GYPC: variants seen among roughly 807,000 people sequenced by gnomAD.
GYPC encodes the protein glycophorin-C.
Under a neutral mutation model 12.6 loss-of-function variants are expected in GYPC, and 14 were observed. That is an observed-to-expected ratio of 1.11 (90% CI 0.74 to 1.74). The LOEUF (loss-of-function observed/expected upper bound fraction) is 1.74, where lower values mean the gene tolerates loss of function less well. Ranked by LOEUF, GYPC falls within the 40% of genes most tolerant of loss-of-function variation. The pLI, the probability that GYPC is intolerant of heterozygous loss-of-function variation, is 0.00. For synonymous variants in GYPC, 78 were observed against 62.1 expected, an observed-to-expected ratio of 1.26 and a Z score of -1.20; for missense variants, 225 against 172.1, an observed-to-expected ratio of 1.31 and a Z score of -1.72.
At position 126,696,215 on chromosome 2, in the gene GYPC, C is replaced by T. The variant is rs1249381336; in HGVS notation, c.*73C>T. 2 of 1,081,602 alleles carry T rather than the reference C, an allele frequency of 1.8e-6. No homozygotes were observed. The highest frequency in any genetic ancestry group is 1.6e-5 in the African/African-American group (1 of 64,216). 67.0% of individuals were successfully genotyped at this position (1,081,602 alleles called of 1,614,324 possible). ...GAAAAATACACCCCATCGCCCAGCA[C>T]CCCTGCTGATACCACCAGACAGAGA... On this transcript the variant is annotated 3_prime_UTR_variant, in exon 4 of 4. Coordinates refer to ENST00000259254, the MANE Select transcript of GYPC (RefSeq NM_002101.5).
chr2:126,684,123 C>T (rs758514140), intron 1 of GYPC, among the ~76,000 whole-genome samples: 42 of 152,176 alleles, frequency 2.8e-4, no homozygotes, highest in Middle Eastern at 3.2e-3. Flanking sequence ...TTGCACAGCA[C>T]CTTGGCAGCC....
In GYPC at chr2:126,656,225, G is replaced by C. The variant is rs545953277; in HGVS notation, c.-39G>C. 15 of 1,582,682 alleles carry C rather than the reference G, an allele frequency of 9.5e-6. No homozygotes were observed. The highest frequency in any genetic ancestry group is 1.2e-5 in the Non-Finnish European group (14 of 1,167,658). ...CCCCGGCCCGGCCTGGCCCGGCCTG[G>C]CCAGTCCCCGCGGTCTCTGCCCGGG... On this transcript the variant is annotated 5_prime_UTR_variant, in exon 1 of 4. Coordinates refer to ENST00000259254, the MANE Select transcript of GYPC (RefSeq NM_002101.5).
rs142452859 is a variant in GYPC at position 126,693,823 on chromosome 2, A to G, written c.107-41A>G. ...GCCAAGGTGCTGCTAGGCATGGAGAATCTTCCTCTCTGACCTCAGATTCTT... is the reference window on the plus strand; with the variant it reads ...GCCAAGGTGCTGCTAGGCATGGAGAGTCTTCCTCTCTGACCTCAGATTCTT... On this transcript the variant is annotated intron_variant, in intron 2 of 3. Transcript: ENST00000259254. The G allele has an allele frequency of 2.6e-4, 358 of 1,358,676 alleles. 4 individuals carry two copies. In the Middle Eastern group the frequency reaches 0.01, roughly 38 times the overall value. The allele number at this position is 1,358,676 out of a possible 1,614,324, so 84.2% of individuals were successfully genotyped here.
At chr2:126,660,213 C>T (rs895093563) in intron 1 of GYPC, among the ~76,000 whole-genome samples, 1 of 152,246 alleles carries the variant, frequency 6.6e-6, no homozygotes, top group Admixed American at 6.5e-5. Context: ...ACCCGCCTGC[C>T]TCCCCCAGCT....
chr2:126,688,934 C>T (rs893797), intron 1 of GYPC, among the ~76,000 whole-genome samples: 35 of 152,118 alleles, frequency 2.3e-4, no homozygotes, highest in African/African-American at 7.2e-4. Context: ...AATGGGAATA[C>T]GGGATTTCCT....
chr2:126,663,949 GGTCT>G (rs1378656482), intron 1 of GYPC, among the ~76,000 whole-genome samples: 1 of 119,564 alleles, frequency 8.4e-6, no homozygotes, highest in Non-Finnish European at 1.7e-5. Flanking sequence ...CTAAGGTTCT[GGTCT>G]CTCTCTCTCT....
In GYPC at chr2:126,694,140, C is replaced by T. The variant is rs192330670; in HGVS notation, c.190+193C>T. On this transcript the variant is annotated intron_variant, in intron 3 of 3. Transcript: ENST00000259254. ...TATATATATACATGCATACATCGTA[C>T]GTATCTATGTATGTATTTATTGGCC... Among the ~76,000 whole-genome samples, 105 of 152,138 alleles carry T rather than the reference C, an allele frequency of 6.9e-4. No individual in the cohort carries two copies. The East Asian group carries it at 0.01, about 15-fold the overall frequency.
intron 1 of GYPC, among the ~76,000 whole-genome samples, chr2:126,678,125 G>A (rs879337015): frequency 6.6e-5 from 10 of 152,278 alleles, no homozygotes; most frequent in Non-Finnish European, 1.3e-4. Context: ...AGGAGGCTGA[G>A]GCAGGAGAAT....
intron 1 of GYPC, among the ~76,000 whole-genome samples, chr2:126,666,060 C>T (rs1009740040): frequency 1.3e-5 from 2 of 152,188 alleles, no homozygotes; most frequent in Non-Finnish European, 1.5e-5. Flanking sequence ...TTGTTCCCCC[C>T]ACACCCGGAA....
intron 1 of GYPC, among the ~76,000 whole-genome samples, chr2:126,666,677 T>C (rs1268857134): frequency 6.7e-6 from 1 of 149,762 alleles, no homozygotes; most frequent in East Asian, 2.0e-4. Context: ...ATGCTGGCCT[T>C]CCATTCTCCT....
chr2:126,659,748 G>C (rs957670027), intron 1 of GYPC, among the ~76,000 whole-genome samples: 2 of 151,470 alleles, frequency 1.3e-5, no homozygotes, highest in African/African-American at 4.9e-5. Context: ...CACCTGCTAT[G>C]ATAGGCATTT....
At chr2:126,672,685 C>T (rs565272850) in intron 1 of GYPC, among the ~76,000 whole-genome samples, 18 of 152,246 alleles carry the variant, frequency 1.2e-4, no homozygotes, top group Admixed American at 1.0e-3. Context: ...CAACCTTCTC[C>T]CCTCAGGGTG....
intron 1 of GYPC, chr2:126,680,214 T>C (rs1251527620): frequency 1.3e-5 from 2 of 152,186 alleles, no homozygotes; most frequent in African/African-American, 4.8e-5. Flanking sequence ...TCATTATATC[T>C]TGGAAAAGGA....
chr2:126,687,945 G>A (rs956938096), intron 1 of GYPC, among the ~76,000 whole-genome samples: 2 of 152,210 alleles, frequency 1.3e-5, no homozygotes, highest in African/African-American at 4.8e-5. Context: ...TGCCCTGTAA[G>A]GCTAAACACA....
chr2:126,690,397 G>A, intron 2 of GYPC, 86 bp downstream of exon 2: 1 of 1,016,842 alleles, frequency 9.8e-7, no homozygotes, highest in Non-Finnish European at 1.6e-6. Context: ...TAAGCAGCCA[G>A]GGTTGGGGGA....
chr2:126,683,950 G>T (rs1683217691), intron 1 of GYPC, among the ~76,000 whole-genome samples: 1 of 152,146 alleles, frequency 6.6e-6, no homozygotes, highest in Non-Finnish European at 1.5e-5. Flanking sequence ...ACCTTTGCAG[G>T]CCTCTACACT....
At chr2:126,685,462 A>C (rs936194066) in intron 1 of GYPC, among the ~76,000 whole-genome samples, 1 of 151,488 alleles carries the variant, frequency 6.6e-6, no homozygotes, top group Admixed American at 6.6e-5. Context: ...TCAGCTCACT[A>C]CAACCTCCAC....
intron 1 of GYPC, among the ~76,000 whole-genome samples, chr2:126,677,356 AGT>A (rs1386230305): frequency 4.1e-5 from 6 of 147,138 alleles, no homozygotes; most frequent in Admixed American, 6.8e-5. Flanking sequence ...TGTGTGTGTG[AGT>A]GTGAGAGAAT....
chr2:126,695,821 A>G, intron 3 of GYPC, 125 bp from the exon 4 acceptor site: 1 of 776,012 alleles, frequency 1.3e-6, no homozygotes, highest in South Asian at 1.4e-5. Flanking sequence ...ATCATAAATC[A>G]AGGAGCATCT....
Sources: gnomAD v4.1 joint callset for allele counts (sites outside exome capture counted in the v4.1 genomes callset) on GRCh38, gnomAD v4.1.1 for gene constraint, MANE v1.5 for transcripts, NCBI Gene and HGNC (gene_info 2026-07-23, HGNC 2026-07-21) for gene names.